MASP1: variants seen among roughly 807,000 people sequenced by gnomAD.
MASP1 encodes MBL associated serine protease 1, also known as mannan-binding lectin serine protease 1.
In MASP1, 59 loss-of-function variants were observed where a neutral mutation model predicts 77.1. That is an observed-to-expected ratio of 0.77 (90% CI 0.62 to 0.95). The LOEUF is 0.95. Among genes scored for constraint, MASP1 ranks in the 40% least tolerant of loss-of-function variants. The probability of loss-of-function intolerance (pLI) is 0.00; values close to 1 mark genes in which losing one functional copy is unlikely to be tolerated. For synonymous variants in MASP1, 362 were observed against 354.5 expected (o/e 1.02, Z -0.24); for missense variants, 885 against 912.9 (o/e 0.97, Z 0.39).
At chr3:187,265,491 C>A (rs1715943126) in intron 2 of MASP1, among the ~76,000 whole-genome samples, 1 of 152,150 alleles carries the variant, frequency 6.6e-6, no homozygotes, top group African/African-American at 2.4e-5. Flanking sequence ...CATGCCCCAG[C>A]TGAGGCCCAT....
At chr3:187,263,018 AAGTT>A in intron 2 of MASP1, 1 of 364,728 alleles carries the variant, frequency 2.7e-6, no homozygotes, top group Non-Finnish European at 5.1e-6. Flanking sequence ...AAGTTTTAAA[AAGTT>A]AGATAACCTC....
exon 16 of MASP1, chr3:187,218,938 T>C (rs971668187): frequency 6.6e-6 from 1 of 150,942 alleles, no homozygotes; most frequent in Non-Finnish European, 1.5e-5. Flanking sequence ...GAAGGAAGAG[T>C]ATAGGGGCCT....
At chr3:187,220,956 G>A (rs1712024475) in intron 15 of MASP1, 1 of 1,193,700 alleles carries the variant, frequency 8.4e-7, no homozygotes, top group Non-Finnish European at 1.2e-6. Context: ...CAGGTTGGGA[G>A]GCCTCTGTGC....
In MASP1 at chr3:187,235,069, G is replaced by T. The variant is rs774952834; in HGVS notation, c.*615C>A. On this transcript the variant is annotated 3_prime_UTR_variant, in exon 11 of 11. Coordinates refer to ENST00000296280, the MANE Select transcript of MASP1 (RefSeq NM_139125.4). Reference sequence around the variant, plus strand: ...TTTAATGGGGAACATAAGGGATAAGGCTTAGACTGCAAGAAGCTTTTGGGA... The same window carrying T: ...TTTAATGGGGAACATAAGGGATAAGTCTTAGACTGCAAGAAGCTTTTGGGA... The T allele has an allele frequency of 7.8e-7, 1 of 1,287,244 alleles. No homozygotes were observed. The highest frequency in any genetic ancestry group is 2.3e-5 in the Admixed American group (1 of 43,556). The allele number at this position is 1,287,244 out of a possible 1,614,324, so 79.7% of individuals were successfully genotyped here. A position where few individuals can be genotyped will look rare whatever the true frequency, so the allele number is the denominator to read the frequency against.
chr3:187,229,949 G>C, downstream of MASP1: 1 of 1,607,446 alleles, frequency 6.2e-7, no homozygotes, highest in African/African-American at 1.3e-5. Flanking sequence ...GCTCCATCTT[G>C]CCCACTGCCA....
intron 2 of MASP1, among the ~76,000 whole-genome samples, chr3:187,272,317 A>G (rs1411975345): frequency 6.6e-6 from 1 of 152,218 alleles, no homozygotes; most frequent in African/African-American, 2.4e-5. Flanking sequence ...TTTAGGATGC[A>G]ACGCCTTACT....
rs551479948 is a variant in MASP1 at position 187,256,042 on chromosome 3, C to T, written c.744+622G>A. ...TCTCGAAAATATCTCCCCCATTATC[C>T]CAGCCATGGCTCAAATTCAGGCTGC... On this transcript the variant is annotated intron_variant, in intron 5 of 10. Transcript: ENST00000296280. Among the ~76,000 whole-genome samples, 7 of 152,184 alleles carry T rather than the reference C, an allele frequency of 4.6e-5. No individual in the cohort carries two copies. In the South Asian group the frequency reaches 6.2e-4, roughly 14 times the overall value.
At chr3:187,285,767 G>T in intron 2 of MASP1, 58 bp downstream of exon 2, 1 of 1,348,828 alleles carries the variant, frequency 7.4e-7, no homozygotes, top group Non-Finnish European at 1.1e-6. Context: ...ATTTCATATT[G>T]CCTTGTCTAA....
chr3:187,224,584 G>C (rs1346137051), intron 13 of MASP1, among the ~76,000 whole-genome samples: 1 of 151,886 alleles, frequency 6.6e-6, no homozygotes, highest in Non-Finnish European at 1.5e-5. Flanking sequence ...CTGACCTCGT[G>C]ATCCGCCCGC....
intron 4 of MASP1, among the ~76,000 whole-genome samples, chr3:187,259,191 C>T (rs1579533417): frequency 1.3e-5 from 2 of 152,114 alleles, no homozygotes; most frequent in Admixed American, 6.6e-5. Flanking sequence ...TCTGGGATGT[C>T]AATGTTTCTA....
intron 4 of MASP1, among the ~76,000 whole-genome samples, chr3:187,260,027 A>C (rs537621366): frequency 4.8e-4 from 73 of 152,338 alleles, no homozygotes; most frequent in African/African-American, 1.7e-3. Flanking sequence ...TTGCCTGCAC[A>C]GGTCTGATTG....
At chr3:187,281,431 T>G (rs698081) in intron 2 of MASP1, among the ~76,000 whole-genome samples, 147,800 of 152,294 alleles carry the variant, frequency 0.97, 71,871 homozygotes, top group East Asian at 1. Flanking sequence ...TGTAGGCCTG[T>G]GAGGAGAATT....
downstream of MASP1, chr3:187,229,810 G>C: frequency 6.2e-7 from 1 of 1,614,168 alleles, no homozygotes. Flanking sequence ...TGACAGCATG[G>C]CAATCCAGGG....
chr3:187,243,948 T>G (rs1422551148), intron 8 of MASP1: 1 of 373,852 alleles, frequency 2.7e-6, no homozygotes, highest in Non-Finnish European at 5.1e-6. Flanking sequence ...TTTCTTTTAC[T>G]TCTAGTTTTA....
At chr3:187,250,367 G>A (rs760698945) in intron 7 of MASP1, 38 bp from the exon 8 acceptor site, 1 of 1,471,888 alleles carries the variant, frequency 6.8e-7, no homozygotes, top group Non-Finnish European at 9.5e-7. Flanking sequence ...GGAAGAAGGA[G>A]GTGGGGGTGG....
chr3:187,259,321 T>C (rs1715362765), intron 4 of MASP1, among the ~76,000 whole-genome samples: 2 of 152,202 alleles, frequency 1.3e-5, no homozygotes, highest in African/African-American at 4.8e-5. Context: ...GGAAGTCTCC[T>C]GAGTTCCTGA....
At chr3:187,279,221 G>A (rs1387711563) in intron 2 of MASP1, among the ~76,000 whole-genome samples, 1 of 152,206 alleles carries the variant, frequency 6.6e-6, no homozygotes, top group African/African-American at 2.4e-5. Flanking sequence ...GGGGAAAAAT[G>A]ATTCACTTTC....
Position 187,240,351 on chromosome 3 carries a change from C to A in MASP1, c.1303+1130G>T, listed in dbSNP as rs542883606. On this transcript the variant is annotated intron_variant, in intron 10 of 10. Coordinates refer to ENST00000296280, the MANE Select transcript of MASP1 (RefSeq NM_139125.4). ...AATACAAATATCACCCAATGCTTAA[C>A]CATATTGCAAATTTCCTGCTGTTTG... Among the ~76,000 whole-genome samples, 34 of 152,228 alleles carry A rather than the reference C, an allele frequency of 2.2e-4. 1 individual carries two copies. In the South Asian group the frequency reaches 2.3e-3, roughly 10 times the overall value.
chr3:187,221,201 G>T, intron 14 of MASP1: 1 of 1,164,000 alleles, frequency 8.6e-7, no homozygotes, highest in Non-Finnish European at 1.3e-6. Context: ...TGACACCCCT[G>T]AAGACGGCTC....
Sources: gnomAD v4.1 joint callset for allele counts (sites outside exome capture counted in the v4.1 genomes callset) on GRCh38, gnomAD v4.1.1 for gene constraint, MANE v1.5 for transcripts, NCBI Gene and HGNC (gene_info 2026-07-23, HGNC 2026-07-21) for gene names.